Variants in DPP10 observed in about 807,000 individuals in gnomAD.
DPP10 encodes the protein dipeptidyl peptidase like 10.
Under a neutral mutation model 120.9 loss-of-function variants are expected in DPP10, and 33 were observed. The observed-to-expected ratio is 0.27, with a 90% confidence interval of 0.21 to 0.37. DPP10 has a LOEUF of 0.37. Ranked by LOEUF, DPP10 falls within the 10% of genes least tolerant of loss-of-function variation. The probability of loss-of-function intolerance (pLI) is 1.00; values close to 1 mark genes in which losing one functional copy is unlikely to be tolerated. For synonymous variants in DPP10, 337 were observed against 326.1 expected (o/e 1.03, Z -0.36); for missense variants, 816 against 942.8 (o/e 0.87, Z 1.76).
chr2:115,600,543 G>T (rs1245923746), intron 5 of DPP10, among the ~76,000 whole-genome samples: 3 of 152,116 alleles, frequency 2.0e-5, no homozygotes, highest in African/African-American at 4.8e-5. Flanking sequence ...AATTCTTCAG[G>T]TAATCTATTT....
chr2:115,718,978 T>C (rs537387652), intron 7 of DPP10, among the ~76,000 whole-genome samples: 4 of 152,268 alleles, frequency 2.6e-5, no homozygotes, highest in East Asian at 3.9e-4. Flanking sequence ...TTGATAACTG[T>C]TTGTCTCCTG....
intron 7 of DPP10, 37 bp from the exon 8 acceptor site, chr2:115,727,779 G>C (rs369110684): frequency 5.1e-5 from 80 of 1,562,114 alleles, no homozygotes; most frequent in Non-Finnish European, 6.1e-5. Context: ...ATCCTAACGT[G>C]TTGGATTTTT....
intron 5 of DPP10, among the ~76,000 whole-genome samples, chr2:115,676,977 G>A (rs545007289): frequency 9.0e-4 from 137 of 152,180 alleles, no homozygotes; most frequent in Non-Finnish European, 1.6e-3. Context: ...TCAGAGAAAC[G>A]GTAAATTTGT....
chr2:115,774,304 C>T (rs1681838869), intron 13 of DPP10, among the ~76,000 whole-genome samples: 1 of 151,728 alleles, frequency 6.6e-6, no homozygotes, highest in African/African-American at 2.4e-5. Flanking sequence ...AAAGTGTCTC[C>T]AGATGTTTTC....
At chr2:115,237,031 CA>C (rs2058039520) in intron 1 of DPP10, among the ~76,000 whole-genome samples, 1 of 151,576 alleles carries the variant, frequency 6.6e-6, no homozygotes. Context: ...ACAGCCATCA[CA>C]ATAATAATAT....
chr2:114,455,383 A>G (rs1309252653), intron 1 of DPP10, among the ~76,000 whole-genome samples: 2 of 152,086 alleles, frequency 1.3e-5, no homozygotes, highest in Non-Finnish European at 1.5e-5. Flanking sequence ...TGTCTCTACT[A>G]AAAATACAAA....
chr2:114,641,419 A>G (rs1338469779), intron 1 of DPP10, among the ~76,000 whole-genome samples: 1 of 151,972 alleles, frequency 6.6e-6, no homozygotes, highest in East Asian at 1.9e-4. Context: ...AAAGGCACGA[A>G]TGGTGCTGCA....
intron 5 of DPP10, among the ~76,000 whole-genome samples, chr2:115,635,335 A>G (rs971652145): frequency 3.3e-5 from 5 of 152,126 alleles, no homozygotes; most frequent in African/African-American, 1.2e-4. Flanking sequence ...GCGTGGGCTG[A>G]CAAGGGGGAT....
At chr2:115,265,868 C>T (rs1052881534) in intron 1 of DPP10, among the ~76,000 whole-genome samples, 7 of 151,082 alleles carry the variant, frequency 4.6e-5, no homozygotes, top group South Asian at 2.1e-4. Context: ...TGCTTGAACC[C>T]GGGAGGTTGA....
At chr2:115,086,703 G>T (rs535996769) in intron 1 of DPP10, among the ~76,000 whole-genome samples, 2 of 151,990 alleles carry the variant, frequency 1.3e-5, no homozygotes, top group Non-Finnish European at 2.9e-5. Flanking sequence ...TGACCTGCTC[G>T]CCTCGGCCTC....
At chr2:114,783,886 A>T (rs1044390999) in intron 1 of DPP10, among the ~76,000 whole-genome samples, 3 of 151,902 alleles carry the variant, frequency 2.0e-5, no homozygotes, top group Non-Finnish European at 4.4e-5. Context: ...TGCTCTAGTC[A>T]CTGCTGTAGT....
Position 114,462,663 on chromosome 2 carries a change from T to C in DPP10, c.60+19825T>C, listed in dbSNP as rs185478598. Among the ~76,000 whole-genome samples, 23 of 152,244 alleles carry C rather than the reference T, an allele frequency of 1.5e-4. No individual in the cohort carries two copies. The East Asian group carries it at 3.5e-3, about 23-fold the overall frequency. On this transcript the variant is annotated intron_variant, in intron 1 of 25. Transcript: ENST00000410059. ...ATGCTGTTAACCTAGCTCACTTGGC[T>C]AAGACAGTGTTTCAGGTGTCTCCAC... is the stretch of plus-strand genomic sequence containing the variant.
intron 3 of DPP10, among the ~76,000 whole-genome samples, chr2:115,486,980 A>C (rs1172297552): frequency 6.6e-6 from 1 of 152,154 alleles, no homozygotes; most frequent in Non-Finnish European, 1.5e-5. Flanking sequence ...GATGACTTTT[A>C]AATAAAAACG....
chr2:114,987,595 T>C (rs1425119525), intron 1 of DPP10, among the ~76,000 whole-genome samples: 3 of 152,130 alleles, frequency 2.0e-5, no homozygotes, highest in Non-Finnish European at 4.4e-5. Context: ...GCATATAAAC[T>C]GTGAAGGACT....
chr2:114,462,341 A>G (rs1316221159), intron 1 of DPP10, among the ~76,000 whole-genome samples: 1 of 152,258 alleles, frequency 6.6e-6, no homozygotes, highest in East Asian at 1.9e-4. Flanking sequence ...TAACTTTATT[A>G]CTTTTCCCCT....
intron 1 of DPP10, among the ~76,000 whole-genome samples, chr2:115,299,840 A>G (rs549841916): frequency 1.8e-4 from 28 of 152,102 alleles, no homozygotes; most frequent in African/African-American, 6.7e-4. Context: ...TTTTAAAATC[A>G]CTTTATCAAT....
At chr2:115,217,092 C>G (rs2056876649) in intron 1 of DPP10, among the ~76,000 whole-genome samples, 1 of 152,106 alleles carries the variant, frequency 6.6e-6, no homozygotes, top group Non-Finnish European at 1.5e-5. Flanking sequence ...ATTAATTTCT[C>G]ATCTTCTCAC....
intron 1 of DPP10, among the ~76,000 whole-genome samples, chr2:114,816,725 A>C (rs1475477930): frequency 2.0e-5 from 3 of 152,242 alleles, no homozygotes; most frequent in African/African-American, 4.8e-5. Context: ...GGTGCTCAAT[A>C]AATGATTTGT....
At position 115,394,458 on chromosome 2, in the gene DPP10, A is replaced by G. The variant is rs1283269504; in HGVS notation, c.271+50546A>G. On this transcript the variant is annotated intron_variant, in intron 3 of 25. Coordinates refer to ENST00000410059, the MANE Select transcript of DPP10 (RefSeq NM_020868.6). ...ATTCTATTATAGGCTGCTACATGTA[A>G]TCAACCTCACCAAAAAAAAAAAAAA... 2.7e-5 allele frequency among the ~76,000 whole-genome samples: 4 copies of G among 149,800 alleles called. No individual in the cohort carries two copies. In the East Asian group the frequency reaches 5.9e-4, roughly 22 times the overall value.
Sources: gnomAD v4.1 joint callset for allele counts (sites outside exome capture counted in the v4.1 genomes callset) on GRCh38, gnomAD v4.1.1 for gene constraint, MANE v1.5 for transcripts, NCBI Gene and HGNC (gene_info 2026-07-23, HGNC 2026-07-21) for gene names.